Variants in AFAP1 observed in about 807,000 individuals in gnomAD.
AFAP1 encodes the protein actin filament associated protein 1.
A neutral mutation model predicts 93.9 loss-of-function variants in AFAP1; 75 were observed. That is an observed-to-expected ratio of 0.80 (90% confidence interval 0.66 to 0.97). AFAP1 has a LOEUF of 0.97. Ranked by LOEUF, AFAP1 falls within the 50% of genes least tolerant of loss-of-function variation. The pLI is 0.00. For missense variants in AFAP1, 1,201 were observed against 1,050.8 expected (o/e 1.14, Z -1.98); for synonymous variants, 517 against 430.7 (o/e 1.20, Z -2.48).
At chr4:7,910,671 G>A (rs191820661) in intron 1 of AFAP1, among the ~76,000 whole-genome samples, 24 of 152,342 alleles carry the variant, frequency 1.6e-4, no homozygotes, top group African/African-American at 4.8e-4. Flanking sequence ...CCACGAGCAC[G>A]TGAGTGCATC....
intron 1 of AFAP1, among the ~76,000 whole-genome samples, chr4:7,914,616 T>A (rs886320344): frequency 6.6e-6 from 1 of 152,182 alleles, no homozygotes. Context: ...GAGGTACAGA[T>A]GCCCCTCCGA....
At chr4:7,888,375 C>T (rs151112310) in intron 1 of AFAP1, among the ~76,000 whole-genome samples, 289 of 152,254 alleles carry the variant, frequency 1.9e-3, no homozygotes, top group African/African-American at 6.6e-3. Context: ...GGCTACCCAC[C>T]AATAAATTCT....
At chr4:7,840,516 A>C (rs1712886200) in intron 5 of AFAP1, among the ~76,000 whole-genome samples, 1 of 151,958 alleles carries the variant, frequency 6.6e-6, no homozygotes, top group African/African-American at 2.4e-5. Flanking sequence ...GTTTCACCAG[A>C]TTGGCCAGGC....
At chr4:7,798,899 C>T (rs1718750929) in intron 10 of AFAP1, 9 of 987,674 alleles carry the variant, frequency 9.1e-6, no homozygotes, top group Non-Finnish European at 1.1e-5. Flanking sequence ...CTGTATCTTA[C>T]CCGTGCCAAT....
intron 10 of AFAP1, among the ~76,000 whole-genome samples, chr4:7,796,760 AAAC>A (rs1560164011): frequency 1.9e-4 from 27 of 145,588 alleles, no homozygotes; most frequent in Middle Eastern, 3.8e-3. Context: ...AAAAAAAAAA[AAAC>A]AAAAAAAAAC....
At chr4:7,864,167 A>ATTCCCAACTTCCCATCACAACC (rs1577313455) in intron 3 of AFAP1, among the ~76,000 whole-genome samples, 1 of 125,728 alleles carries the variant, frequency 8.0e-6, no homozygotes, top group African/African-American at 3.0e-5. Context: ...ATCACAACCC[A>ATTCCCAACTTCCCATCACAACC]CAGGTCCTTT....
intron 6 of AFAP1, among the ~76,000 whole-genome samples, chr4:7,819,592 C>T (rs147817368): frequency 3.9e-5 from 6 of 152,120 alleles, no homozygotes; most frequent in South Asian, 2.1e-4. Context: ...TCCAGCCATG[C>T]GAACAACTGG....
At chr4:7,801,247 C>T (rs945462189) in intron 9 of AFAP1, among the ~76,000 whole-genome samples, 5 of 152,210 alleles carry the variant, frequency 3.3e-5, no homozygotes, top group South Asian at 4.1e-4. Context: ...AGGCTGAGGA[C>T]GCACCTGCCG....
chr4:7,895,320 G>A (rs1182443592), intron 1 of AFAP1, among the ~76,000 whole-genome samples: 1 of 152,060 alleles, frequency 6.6e-6, no homozygotes, highest in African/African-American at 2.4e-5. Context: ...TTTAAATTTA[G>A]CACAGTCCTT....
intron 1 of AFAP1, among the ~76,000 whole-genome samples, chr4:7,938,154 G>A (rs1482151750): frequency 6.6e-6 from 1 of 151,792 alleles, no homozygotes; most frequent in East Asian, 1.9e-4. Flanking sequence ...GCTGATGACT[G>A]GAGGTGCGGC....
At chr4:7,803,442 A>C (rs1190630223) in intron 9 of AFAP1, among the ~76,000 whole-genome samples, 1 of 152,172 alleles carries the variant, frequency 6.6e-6, no homozygotes, top group African/African-American at 2.4e-5. Flanking sequence ...CAGAGGACCC[A>C]GTCCCGATCC....
At chr4:7,905,389 T>C (rs774975932) in intron 1 of AFAP1, among the ~76,000 whole-genome samples, 2 of 152,238 alleles carry the variant, frequency 1.3e-5, no homozygotes, top group African/African-American at 4.8e-5. Context: ...TAGAAAAATC[T>C]ATTCCATTTG....
At chr4:7,862,757 T>C (rs961251290) in intron 3 of AFAP1, among the ~76,000 whole-genome samples, 17 of 152,264 alleles carry the variant, frequency 1.1e-4, no homozygotes, top group Non-Finnish European at 1.9e-4. Flanking sequence ...GTCTACCAAA[T>C]GAAAATATGT....
At position 7,855,482 on chromosome 4, in the gene AFAP1, C is replaced by G; in HGVS notation, c.318G>C (p.Pro106=). 2 of 1,610,260 alleles carry G rather than the reference C, an allele frequency of 1.2e-6. No homozygotes were observed. Among genetic ancestry groups the G allele is most frequent in the Non-Finnish European group, 1.7e-6 (2 of 1,177,652 alleles). ...EAVPLSPGKA[P]EYITSNYDSD... ...GCCACTCACTTGATGTGATGTATTC[C>G]GGAGCTTTTCCGGGGCTCAGCGGCA... is the stretch of plus-strand genomic sequence containing the variant. Residue 106 remains proline, a synonymous_variant, in exon 4 of 18, where the codon CCG becomes CCC. Coordinates refer to ENST00000420658, the MANE Select transcript of AFAP1 (RefSeq NM_001134647.2).
At chr4:7,789,449 C>G (rs1410994264) in intron 11 of AFAP1, among the ~76,000 whole-genome samples, 2 of 151,844 alleles carry the variant, frequency 1.3e-5, no homozygotes, top group African/African-American at 4.8e-5. Context: ...TGCATCTCCC[C>G]ACGCTCCGCA....
intron 1 of AFAP1, 105 bp from the exon 2 acceptor site, chr4:7,872,185 G>A (rs143293471): frequency 1.4e-6 from 2 of 1,427,966 alleles, no homozygotes; most frequent in Non-Finnish European, 1.9e-6. Flanking sequence ...CTTGATCATT[G>A]GATATAGTAT....
At chr4:7,934,813 T>C (rs1721284249) in intron 1 of AFAP1, among the ~76,000 whole-genome samples, 1 of 152,208 alleles carries the variant, frequency 6.6e-6, no homozygotes, top group African/African-American at 2.4e-5. Flanking sequence ...ACAGGGCACT[T>C]AGAAACTGCA....
intron 5 of AFAP1, among the ~76,000 whole-genome samples, chr4:7,840,518 T>C (rs1472078901): frequency 2.0e-5 from 3 of 152,152 alleles, no homozygotes; most frequent in Non-Finnish European, 4.4e-5. Flanking sequence ...TTCACCAGAT[T>C]GGCCAGGCTG....
intron 3 of AFAP1, among the ~76,000 whole-genome samples, chr4:7,868,045 T>C (rs1716617314): frequency 2.0e-5 from 3 of 151,430 alleles, no homozygotes; most frequent in African/African-American, 7.3e-5. Context: ...TAGAAAAAGC[T>C]GAATGGTACA....
Sources: allele counts gnomAD v4.1 joint callset (sites outside exome capture counted in the v4.1 genomes callset), GRCh38; gene constraint gnomAD v4.1.1; transcripts MANE v1.5; gene names NCBI Gene and HGNC (gene_info 2026-07-23, HGNC 2026-07-21).